The following NALF1 variants were observed in gnomAD, a reference collection of about 807,000 sequenced individuals.
NALF1 encodes family with sequence similarity 155 member A.
A neutral mutation model predicts 48.4 loss-of-function variants in NALF1; 3 were observed. The ratio of observed to expected loss-of-function variants is 0.06; its 90% CI spans 0.03 to 0.16. The LOEUF (loss-of-function observed/expected upper bound fraction) is 0.16, where lower values mean the gene tolerates loss of function less well. Among genes scored for constraint, NALF1 ranks in the 10% least tolerant of loss-of-function variants. The pLI is 1.00. For missense variants in NALF1, 526 were observed against 571.5 expected (o/e 0.92, Z 0.81); for synonymous variants, 262 against 245.7 (o/e 1.07, Z -0.62).
At chr13:107,257,371 T>G (rs1880838624) in intron 1 of NALF1, among the ~76,000 whole-genome samples, 1 of 152,202 alleles carries the variant, frequency 6.6e-6, no homozygotes, top group East Asian at 1.9e-4. Flanking sequence ...GTCATTTAAC[T>G]AATAATAGGG....
Position 107,867,165 on chromosome 13 carries a change from C to T in NALF1, c.-569G>A, listed in dbSNP as rs1880763728. 1.3e-5 allele frequency among the ~76,000 whole-genome samples: 2 copies of T among 151,840 alleles called. No individual in the cohort carries two copies. Among genetic ancestry groups the T allele is most frequent in the South Asian group, 4.1e-4 (2 of 4,828 alleles). On this transcript the variant is annotated 5_prime_UTR_variant, in exon 1 of 3. Transcript: ENST00000375915. The surrounding 1 kb of genome is among the most constrained non-coding windows in gnomAD (Gnocchi z 4.4). Reference sequence around the variant, plus strand: ...CTCCTCTTCTTCTCCTCCTCTTCCTCCTCCTTCCTTTCCTTCTCCTTCTTC... The same window carrying T: ...CTCCTCTTCTTCTCCTCCTCTTCCTTCTCCTTCCTTTCCTTCTCCTTCTTC...
intron 1 of NALF1, among the ~76,000 whole-genome samples, chr13:107,765,238 G>C (rs1298512020): frequency 6.6e-6 from 1 of 151,990 alleles, no homozygotes; most frequent in East Asian, 1.9e-4. Context: ...TGTGTTAATT[G>C]CAATTTACAG....
intron 1 of NALF1, among the ~76,000 whole-genome samples, chr13:107,813,467 A>G (rs1879060404): frequency 6.6e-6 from 1 of 152,164 alleles, no homozygotes; most frequent in South Asian, 2.1e-4. Context: ...GGAAAGCTCA[A>G]ACTTGTTTTG....
At chr13:107,346,729 TAAA>T (rs1415292124) in intron 1 of NALF1, among the ~76,000 whole-genome samples, 1 of 152,254 alleles carries the variant, frequency 6.6e-6, no homozygotes, top group Non-Finnish European at 1.5e-5. Context: ...ACTGTACTAT[TAAA>T]AACTGCTGAC....
intron 1 of NALF1, among the ~76,000 whole-genome samples, chr13:107,779,936 T>C (rs1877837556): frequency 6.6e-6 from 1 of 152,206 alleles, no homozygotes; most frequent in African/African-American, 2.4e-5. Context: ...TTAAGCCATT[T>C]GGAAAACAAA....
intron 1 of NALF1, among the ~76,000 whole-genome samples, chr13:107,306,041 G>A (rs1360262627): frequency 6.6e-6 from 1 of 152,146 alleles, no homozygotes; most frequent in Non-Finnish European, 1.5e-5. Context: ...GCAGAATGTT[G>A]ATAACTACTG....
intron 1 of NALF1, among the ~76,000 whole-genome samples, chr13:107,621,271 TTAAGTTAA>T (rs1162744978): frequency 1.3e-5 from 2 of 152,216 alleles, no homozygotes; most frequent in Non-Finnish European, 2.9e-5. Flanking sequence ...TATTATCTTT[TTAAGTTAA>T]TTTTTTCTAG....
intron 1 of NALF1, among the ~76,000 whole-genome samples, chr13:107,460,505 A>G (rs1007206143): frequency 1.3e-5 from 2 of 152,212 alleles, no homozygotes; most frequent in South Asian, 4.1e-4. Flanking sequence ...TTGTTCTATA[A>G]AAGATGTTCC....
At chr13:107,614,953 T>G (rs375971319) in intron 1 of NALF1, among the ~76,000 whole-genome samples, 6 of 152,088 alleles carry the variant, frequency 3.9e-5, no homozygotes, top group South Asian at 2.1e-4. Flanking sequence ...ATTTTTGTAT[T>G]TTTAGTAGAG....
At chr13:107,446,395 ATAAT>A (rs1356299908) in intron 1 of NALF1, among the ~76,000 whole-genome samples, 7 of 147,224 alleles carry the variant, frequency 4.8e-5, no homozygotes, top group Non-Finnish European at 6.0e-5. Context: ...TAACAATGCC[ATAAT>A]TAAATTCACA....
intron 1 of NALF1, among the ~76,000 whole-genome samples, chr13:107,233,477 G>C (rs1880270920): frequency 6.6e-6 from 1 of 152,212 alleles, no homozygotes; most frequent in African/African-American, 2.4e-5. Flanking sequence ...GTTCCATAGT[G>C]TGGACTCAAT....
chr13:107,295,239 T>A (rs1881703456), intron 1 of NALF1, among the ~76,000 whole-genome samples: 1 of 152,174 alleles, frequency 6.6e-6, no homozygotes, highest in African/African-American at 2.4e-5. Context: ...TAACATGTGG[T>A]ATTTGCTTTT....
intron 1 of NALF1, among the ~76,000 whole-genome samples, chr13:107,731,764 T>C (rs949141667): frequency 1.3e-5 from 2 of 152,236 alleles, no homozygotes; most frequent in Non-Finnish European, 2.9e-5. Flanking sequence ...TAGTATTCCA[T>C]GGTGTATATG....
chr13:107,337,398 T>A (rs9520392), intron 1 of NALF1, among the ~76,000 whole-genome samples: 3 of 152,110 alleles, frequency 2.0e-5, no homozygotes, highest in South Asian at 2.1e-4. Context: ...GTTTAAATTC[T>A]CTTTTTTCTT....
intron 1 of NALF1, among the ~76,000 whole-genome samples, chr13:107,557,599 T>G (rs750726738): frequency 6.6e-6 from 1 of 152,156 alleles, no homozygotes; most frequent in Non-Finnish European, 1.5e-5. Context: ...TCTGGAAAAC[T>G]GATAATGGTC....
intron 1 of NALF1, among the ~76,000 whole-genome samples, chr13:107,675,417 TG>T (rs1191293472): frequency 2.0e-5 from 3 of 152,096 alleles, no homozygotes; most frequent in Admixed American, 1.3e-4. Context: ...TTTCTGCGGA[TG>T]GGGGGGAAGG....
chr13:107,839,759 G>A (rs1879995793), intron 1 of NALF1, among the ~76,000 whole-genome samples: 1 of 151,932 alleles, frequency 6.6e-6, no homozygotes, highest in African/African-American at 2.4e-5. Flanking sequence ...TGGGAGACAA[G>A]GAATAAAGTG....
chr13:107,754,475 G>A (rs978432308), intron 1 of NALF1, among the ~76,000 whole-genome samples: 1 of 151,824 alleles, frequency 6.6e-6, no homozygotes, highest in Non-Finnish European at 1.5e-5. Context: ...AATTATCTGC[G>A]AATCGATCTC....
intron 1 of NALF1, among the ~76,000 whole-genome samples, chr13:107,819,618 G>C (rs1181276309): frequency 2.0e-5 from 3 of 151,120 alleles, no homozygotes; most frequent in Non-Finnish European, 4.4e-5. Context: ...ATGACTTAAA[G>C]AATATATTAA....
Sources: allele counts gnomAD v4.1 joint callset (sites outside exome capture counted in the v4.1 genomes callset), GRCh38; gene constraint gnomAD v4.1.1; non-coding constraint Gnocchi (gnomAD v3.1); transcripts MANE v1.5; gene names NCBI Gene and HGNC (gene_info 2026-07-23, HGNC 2026-07-21).